The following SOX5 variants were observed in gnomAD, a reference collection of about 807,000 sequenced individuals.
SOX5 encodes the protein transcription factor SOX-5.
A neutral mutation model predicts 92.0 loss-of-function variants in SOX5; 9 were observed. That is an observed-to-expected ratio of 0.10 (90% CI 0.06 to 0.17). The LOEUF (loss-of-function observed/expected upper bound fraction) is 0.17, where lower values mean the gene tolerates loss of function less well. Ranked by LOEUF, SOX5 falls within the 10% of genes least tolerant of loss-of-function variation. SOX5 has a pLI of 1.00. For missense variants in SOX5, 642 were observed against 944.5 expected, an observed-to-expected ratio of 0.68 and a Z score of 4.20; for synonymous variants, 344 against 336.3, an observed-to-expected ratio of 1.02 and a Z score of -0.25.
intron 6 of SOX5, among the ~76,000 whole-genome samples, chr12:23,688,519 G>C (rs767682888): frequency 6.6e-6 from 1 of 152,018 alleles, no homozygotes; most frequent in Non-Finnish European, 1.5e-5. Context: ...AATAGGAATG[G>C]TTGTAAAGTT....
chr12:24,151,249 C>T (rs1014325516), intron 4 of SOX5, among the ~76,000 whole-genome samples: 27 of 151,994 alleles, frequency 1.8e-4, no homozygotes, highest in African/African-American at 6.3e-4. Context: ...GAGAGGGCAA[C>T]ATTTTAACTT....
intron 2 of SOX5, among the ~76,000 whole-genome samples, chr12:24,338,667 G>A (rs1952192722): frequency 6.6e-6 from 1 of 152,122 alleles, no homozygotes; most frequent in African/African-American, 2.4e-5. Context: ...GTTGTGTGAG[G>A]GACCTGGTGG....
At chr12:24,120,488 C>T (rs555328336) in intron 4 of SOX5, among the ~76,000 whole-genome samples, 8 of 152,242 alleles carry the variant, frequency 5.3e-5, no homozygotes, top group African/African-American at 1.4e-4. Context: ...ACATACATTT[C>T]GAACTATTCT....
At chr12:24,463,356 C>A (rs1006005757) in intron 1 of SOX5, among the ~76,000 whole-genome samples, 1 of 152,156 alleles carries the variant, frequency 6.6e-6, no homozygotes, top group Non-Finnish European at 1.5e-5. Context: ...CTACGTACAG[C>A]TAAGTTCGAA....
chr12:23,630,692 A>T (rs887836664), intron 8 of SOX5, among the ~76,000 whole-genome samples: 3 of 151,970 alleles, frequency 2.0e-5, no homozygotes, highest in African/African-American at 7.2e-5. Flanking sequence ...CAACAATAAG[A>T]GGTCATTTAT....
intron 3 of SOX5, among the ~76,000 whole-genome samples, chr12:23,820,297 A>G (rs1437448640): frequency 1.3e-5 from 2 of 152,104 alleles, no homozygotes; most frequent in African/African-American, 4.8e-5. Flanking sequence ...AAATTTGTTT[A>G]AGTTCCTTGT....
chr12:23,544,616 T>C (rs1942768019), intron 12 of SOX5, among the ~76,000 whole-genome samples: 2 of 152,178 alleles, frequency 1.3e-5, no homozygotes, highest in Non-Finnish European at 2.9e-5. Context: ...TTTCTCAATA[T>C]TTTTCATTAA....
At chr12:23,570,926 AAAAAATATATATATATAT>A (rs1175305038) in intron 10 of SOX5, among the ~76,000 whole-genome samples, 1 of 41,544 alleles carries the variant, frequency 2.4e-5, no homozygotes, top group African/African-American at 1.3e-4. Context: ...AAAAAAAAAA[AAAAAATATATATATATAT>A]ATATATATAT....
chr12:24,248,206 G>A (rs1325003605), intron 3 of SOX5, among the ~76,000 whole-genome samples: 1 of 152,166 alleles, frequency 6.6e-6, no homozygotes, highest in Non-Finnish European at 1.5e-5. Context: ...TGAATGGGAA[G>A]CTTGCAGAAG....
intron 1 of SOX5, among the ~76,000 whole-genome samples, chr12:24,503,105 G>A (rs1337356798): frequency 2.0e-5 from 3 of 152,200 alleles, no homozygotes; most frequent in Non-Finnish European, 2.9e-5. Flanking sequence ...AGAACAAGGT[G>A]TGTATGTTTA....
intron 2 of SOX5, among the ~76,000 whole-genome samples, chr12:24,301,069 C>CATGA (rs1947888632): frequency 6.6e-6 from 1 of 152,190 alleles, no homozygotes. Context: ...TGCTCCCTGC[C>CATGA]ATGAGCCAGC....
Position 24,096,790 on chromosome 12 carries a change from G to A in SOX5, c.-2+116553C>T, listed in dbSNP as rs1945467365. Among the ~76,000 whole-genome samples, 3 of 152,178 alleles carry A rather than the reference G, an allele frequency of 2.0e-5. No homozygotes were observed. In the South Asian group the frequency reaches 6.2e-4, roughly 32 times the overall value. On this transcript the variant is annotated intron_variant, in intron 4 of 4. Transcript: ENST00000446891. ...AATACTTGTGCAAAAGTGTGTGTGTGTGTTCTCATAATAACTTTTTGGTTA... is the reference window on the plus strand; with the variant it reads ...AATACTTGTGCAAAAGTGTGTGTGTATGTTCTCATAATAACTTTTTGGTTA...
intron 4 of SOX5, among the ~76,000 whole-genome samples, chr12:24,072,141 T>A (rs940142225): frequency 6.6e-6 from 1 of 152,232 alleles, no homozygotes; most frequent in Non-Finnish European, 1.5e-5. Flanking sequence ...GCAATTGAAT[T>A]TGATAAGTTT....
At chr12:24,140,002 GGTTTGTTT>G (rs369799082) in intron 4 of SOX5, among the ~76,000 whole-genome samples, 1 of 151,970 alleles carries the variant, frequency 6.6e-6, no homozygotes, top group Non-Finnish European at 1.5e-5. Context: ...CACTTATCAG[GGTTTGTTT>G]GTTTGTTTGT....
At chr12:23,696,960 T>G (rs2089969233) in intron 6 of SOX5, among the ~76,000 whole-genome samples, 2 of 152,170 alleles carry the variant, frequency 1.3e-5, no homozygotes, top group Non-Finnish European at 2.9e-5. Context: ...AAAACATGGT[T>G]TAAATTATTT....
At chr12:23,952,666 G>A (rs941165335), upstream of SOX5, among the ~76,000 whole-genome samples, 12 of 152,212 alleles carry the variant, frequency 7.9e-5, no homozygotes, top group African/African-American at 2.2e-4. Context: ...TGAAATAGAC[G>A]AGGAACTAGA....
chr12:23,712,104 C>T (rs537459950), intron 6 of SOX5, among the ~76,000 whole-genome samples: 1 of 152,154 alleles, frequency 6.6e-6, no homozygotes, highest in Non-Finnish European at 1.5e-5. Flanking sequence ...TTCACTGCAC[C>T]TCTCACATGA....
At chr12:24,141,531 A>G (rs934657266) in intron 4 of SOX5, among the ~76,000 whole-genome samples, 2 of 152,194 alleles carry the variant, frequency 1.3e-5, no homozygotes, top group African/African-American at 4.8e-5. Flanking sequence ...CCTTTTGCCT[A>G]GCAGGGTCTC....
intron 2 of SOX5, among the ~76,000 whole-genome samples, chr12:24,363,831 C>A (rs536874056): frequency 2.1e-3 from 318 of 152,238 alleles, no homozygotes; most frequent in African/African-American, 7.1e-3. Flanking sequence ...TATTAACTTC[C>A]TCTGAAGTAG....
Sources: allele counts gnomAD v4.1 joint callset (sites outside exome capture counted in the v4.1 genomes callset), GRCh38; gene constraint gnomAD v4.1.1; transcripts MANE v1.5; gene names NCBI Gene and HGNC (gene_info 2026-07-23, HGNC 2026-07-21).